PMS1: variants seen among roughly 807,000 people sequenced by gnomAD.
PMS1 encodes PMS1 homolog 1, mismatch repair system component.
PMS1 carries 79 observed loss-of-function variants against 93.1 expected under a neutral mutation model. The observed-to-expected ratio is 0.85, with a 90% CI of 0.71 to 1.02. The LOEUF (loss-of-function observed/expected upper bound fraction) is 1.02, where lower values mean the gene tolerates loss of function less well. Ranked by LOEUF, PMS1 falls within the 50% of genes least tolerant of loss-of-function variation. The probability of loss-of-function intolerance (pLI) is 0.00; values close to 1 mark genes in which losing one functional copy is unlikely to be tolerated. For synonymous variants in PMS1, 335 were observed against 363.4 expected (o/e 0.92, Z 0.89); for missense variants, 1,064 against 1,085.3 (o/e 0.98, Z 0.28).
At chr2:189,871,464 A>G (rs1340626914) in intron 11 of PMS1, among the ~76,000 whole-genome samples, 1 of 152,254 alleles carries the variant, frequency 6.6e-6, no homozygotes, top group East Asian at 1.9e-4. Flanking sequence ...AGTGCAGCCA[A>G]AATCCTTGCG....
intron 3 of PMS1, among the ~76,000 whole-genome samples, chr2:189,804,203 A>T (rs2050140379): frequency 6.6e-6 from 1 of 152,156 alleles, no homozygotes. Context: ...CACCAACTTT[A>T]GGTCAGGTGG....
In PMS1 at chr2:189,867,900, C is replaced by T. The variant is rs139826569; in HGVS notation, c.2444C>T (p.Ala815Val). 77 of 1,609,972 alleles carry T rather than the reference C, an allele frequency of 4.8e-5. No individual in the cohort carries two copies. The highest frequency in any genetic ancestry group is 1.8e-4 in the Admixed American group (11 of 60,010). ...TACCTGTCTGATCCTCGTCTTACAG[C>T]GAATGGTTTCAAGATAAAATTGATA... is the stretch of plus-strand genomic sequence containing the variant. ...STYLSDPRLT[A>V]NGFKIKLIPG... Residue 815 changes from alanine (A) to valine (V), a missense_variant, in exon 11 of 13, where the codon GCG (alanine) becomes GTG (valine). By Grantham distance (64) the Ala-to-Val change is moderately conservative. Coordinates refer to ENST00000441310, the MANE Select transcript of PMS1 (RefSeq NM_000534.5).
intron 5 of PMS1, 26 bp from the exon 6 acceptor site, chr2:189,843,938 G>T (rs200957028): frequency 2.5e-6 from 4 of 1,576,326 alleles, no homozygotes; most frequent in Non-Finnish European, 3.5e-6. Context: ...TGTATTAAAA[G>T]TTATCTATAT....
In PMS1 at chr2:189,854,727, A is replaced by C. The variant is rs2055135736; in HGVS notation, c.1455A>C (p.Ala485=). 6.2e-7 allele frequency: 1 copy of C among 1,613,872 alleles called. No individual in the cohort carries two copies. The highest frequency in any genetic ancestry group is 1.7e-5 in the Admixed American group (1 of 59,992). The change falls in exon 9 of 13, where the codon GCA becomes GCC. Residue 485 remains alanine, a synonymous_variant. Coordinates refer to ENST00000441310, the MANE Select transcript of PMS1 (RefSeq NM_000534.5). ...IDESGENEEE[A]GLENSSEISA... ...AGAGTGGGGAAAATGAGGAAGAAGCAGGTCTTGAAAACTCTTCGGAAATTT... is the reference window on the plus strand; with the variant it reads ...AGAGTGGGGAAAATGAGGAAGAAGCCGGTCTTGAAAACTCTTCGGAAATTT...
intron 4 of PMS1, chr2:189,806,709 A>C (rs1018727237): frequency 1.9e-4 from 38 of 200,374 alleles, no homozygotes; most frequent in African/African-American, 8.3e-4. Context: ...TAAGTGTTTA[A>C]ATTTCTCTAA....
chr2:189,802,565 T>C (rs549523732), intron 3 of PMS1, among the ~76,000 whole-genome samples: 16 of 152,306 alleles, frequency 1.1e-4, no homozygotes, highest in African/African-American at 2.9e-4. Flanking sequence ...GTACATAATT[T>C]TGTGATGAGA....
rs149613425 is a variant in PMS1, at chr2:189,876,966, A to G, written c.2635-306A>G. On this transcript the variant is annotated intron_variant, in intron 12 of 12. Transcript: ENST00000441310. The stretch of plus-strand genomic sequence containing the variant: ...CATCTCCTCAAGTAATCTTTTTCCA[A>G]CTCTACAATCACTCTATCATGTGGC... Among the ~76,000 whole-genome samples the G allele has an allele frequency of 9.3e-3, 1,404 of 151,446 alleles. 73 individuals are homozygous for G. Among genetic ancestry groups the G allele is most frequent in the Admixed American group, 0.07 (1,070 of 15,230 alleles).
chr2:189,864,014 T>G lies in PMS1; in HGVS notation c.2128T>G (p.Phe710Val). Residue 710 changes from phenylalanine to valine, a missense_variant, in exon 10 of 13, where the codon TTT (phenylalanine) becomes GTT (valine). Phe to Val is a conservative substitution (Grantham distance 50). Coordinates refer to ENST00000441310, the MANE Select transcript of PMS1 (RefSeq NM_000534.5). Reference sequence around the variant, plus strand: ...TTCTATGAAAAACTTAAAAATAAATTTTAAGAAACAAAACAAAGTTGACTT... The same window carrying G: ...TTCTATGAAAAACTTAAAAATAAATGTTAAGAAACAAAACAAAGTTGACTT... ...PFSMKNLKIN[F>V]KKQNKVDLEE... 1 of 1,609,212 alleles carries G rather than the reference T, an allele frequency of 6.2e-7. No individual in the cohort carries two copies. Among genetic ancestry groups the G allele is most frequent in the South Asian group, 1.1e-5 (1 of 90,426 alleles).
At chr2:189,844,851 A>T (rs1035418536) in intron 6 of PMS1, among the ~76,000 whole-genome samples, 3 of 150,416 alleles carry the variant, frequency 2.0e-5, no homozygotes, top group South Asian at 2.1e-4. Context: ...TATATATATA[A>T]TTTTTTTCTT....
At chr2:189,826,517 C>T (rs2052445611) in intron 5 of PMS1, among the ~76,000 whole-genome samples, 1 of 150,390 alleles carries the variant, frequency 6.6e-6, no homozygotes, top group Non-Finnish European at 1.5e-5. Context: ...TCATGTGTTC[C>T]TCTTTTGTTA....
At chr2:189,838,786 C>T (rs755372260) in intron 5 of PMS1, among the ~76,000 whole-genome samples, 1 of 152,162 alleles carries the variant, frequency 6.6e-6, no homozygotes, top group African/African-American at 2.4e-5. Context: ...AGGGAATAAT[C>T]CTGTCAACAT....
At chr2:189,876,446 C>T (rs967051382) in intron 12 of PMS1, among the ~76,000 whole-genome samples, 1 of 152,158 alleles carries the variant, frequency 6.6e-6, no homozygotes, top group Non-Finnish European at 1.5e-5. Flanking sequence ...ACCAATTCCT[C>T]ACCCTGTCCT....
Position 189,854,975 on chromosome 2 carries a change from A to G in PMS1, c.1703A>G (p.Asn568Ser), listed in dbSNP as rs1559308046. ...GKVTAYDLLS[N>S]RVIKKPMSAS... ...GTTACAGCTTATGATTTACTTAGCA[A>G]TCGAGTAATCAAGAAACCCATGTCA... Residue 568 changes from asparagine (N) to serine (S), a missense_variant, in exon 9 of 13, where the codon AAT becomes AGT. Transcript: ENST00000441310. 2 of 1,613,272 alleles carry G rather than the reference A, an allele frequency of 1.2e-6. No individual in the cohort carries two copies. The highest frequency in any genetic ancestry group is 4.5e-5 in the East Asian group (2 of 44,830).
intron 9 of PMS1, chr2:189,855,856 T>A: frequency 9.1e-7 from 1 of 1,103,650 alleles, no homozygotes; most frequent in Non-Finnish European, 1.2e-6. Flanking sequence ...CAAAATATTA[T>A]GTTCTGGTGA....
intron 4 of PMS1, among the ~76,000 whole-genome samples, chr2:189,816,190 C>T (rs975331180): frequency 5.9e-5 from 9 of 152,204 alleles, no homozygotes; most frequent in African/African-American, 2.2e-4. Context: ...ACCACCACAC[C>T]TGGTGAAATC....
Position 189,877,553 on chromosome 2 carries a change from A to T in PMS1, c.*117A>T. 1.4e-6 allele frequency: 1 copy of T among 697,790 alleles called. No homozygotes were observed. The highest frequency in any genetic ancestry group is 1.8e-5 in the African/African-American group (1 of 55,772). 43.2% of individuals were successfully genotyped at this position (697,790 alleles called of 1,614,324 possible). On this transcript the variant is annotated 3_prime_UTR_variant, in exon 13 of 13. Coordinates refer to ENST00000441310, the MANE Select transcript of PMS1 (RefSeq NM_000534.5). ...TCACATGGTTATTTTTTAAATGAGG[A>T]TTCACTGACTTGTTTTTATATTGAA... is the stretch of plus-strand genomic sequence containing the variant.
At chr2:189,845,256 G>A (rs1036006292) in intron 6 of PMS1, among the ~76,000 whole-genome samples, 3 of 151,670 alleles carry the variant, frequency 2.0e-5, no homozygotes, top group African/African-American at 4.8e-5. Flanking sequence ...AACAATCTTC[G>A]TTAAAAGCCC....
At chr2:189,793,954 C>A (rs1282473685) in intron 2 of PMS1, among the ~76,000 whole-genome samples, 2 of 152,092 alleles carry the variant, frequency 1.3e-5, no homozygotes, top group African/African-American at 2.4e-5. Context: ...GATTTCGAGA[C>A]CATGTTGCCC....
Position 189,864,143 on chromosome 2 carries a change from G to A in PMS1, c.2257G>A (p.Glu753Lys), listed in dbSNP as rs767796763. 12 of 1,611,434 alleles carry A rather than the reference G, an allele frequency of 7.4e-6. No individual in the cohort carries two copies. In the African/African-American group the frequency reaches 1.6e-4, roughly 22 times the overall value. The change falls in exon 10 of 13, where the codon GAA (glutamate) becomes AAA (lysine). Residue 753 changes from glutamate to lysine, a missense_variant. Physicochemically the swap from Glu to Lys is moderately conservative, Grantham distance 56. Transcript: ENST00000441310. ...AATGTTATTAAATCCATATAGAGTA[G>A]AAGAAGCCCTGCTATTTAAAAGACT... ...EVMLLNPYRVEEALLFKRLLE... is the reference protein window; with the variant it reads ...EVMLLNPYRVKEALLFKRLLE...
Sources: allele counts gnomAD v4.1 joint callset (sites outside exome capture counted in the v4.1 genomes callset), GRCh38; gene constraint gnomAD v4.1.1; transcripts MANE v1.5; gene names NCBI Gene and HGNC (gene_info 2026-07-23, HGNC 2026-07-21).